Variants in BDNF observed in about 807,000 individuals in gnomAD.
BDNF encodes the protein neurotrophic factor BDNF precursor form.
A neutral mutation model predicts 19.5 loss-of-function variants in BDNF; 1 was observed. The observed-to-expected ratio is 0.05, with a 90% CI of 0.02 to 0.24. The LOEUF (loss-of-function observed/expected upper bound fraction) is 0.24, where lower values mean the gene tolerates loss of function less well. Among genes scored for constraint, BDNF ranks in the 10% least tolerant of loss-of-function variants. The pLI, the probability that BDNF is intolerant of heterozygous loss-of-function variation, is 1.00. For synonymous variants in BDNF, 100 were observed against 121.6 expected (o/e 0.82, Z 1.17); for missense variants, 195 against 317.6 (o/e 0.61, Z 2.93).
At chr11:27,717,202 C>A (rs1860547885) in intron 1 of BDNF, among the ~76,000 whole-genome samples, 1 of 152,152 alleles carries the variant, frequency 6.6e-6, no homozygotes, top group African/African-American at 2.4e-5. Flanking sequence ...AGCCTTCTTT[C>A]CAATGTACAT....
At chr11:27,697,302 G>A (rs555431919) in intron 1 of BDNF, among the ~76,000 whole-genome samples, 4 of 152,306 alleles carry the variant, frequency 2.6e-5, no homozygotes, top group Admixed American at 6.5e-5. Context: ...CTACAAACCA[G>A]TGCTATTCAT....
At chr11:27,669,306 A>T (rs1346550748) in intron 1 of BDNF, among the ~76,000 whole-genome samples, 2 of 152,236 alleles carry the variant, frequency 1.3e-5, no homozygotes, top group Non-Finnish European at 2.9e-5. Flanking sequence ...TGTCATACTG[A>T]ATGGGCAAAA....
At chr11:27,691,614 A>G (rs1858306313) in intron 1 of BDNF, among the ~76,000 whole-genome samples, 1 of 152,200 alleles carries the variant, frequency 6.6e-6, no homozygotes, top group African/African-American at 2.4e-5. Flanking sequence ...AGTATGAGAG[A>G]TCACAAAGAA....
chr11:27,708,491 T>C (rs989203259), intron 1 of BDNF, among the ~76,000 whole-genome samples: 1 of 152,232 alleles, frequency 6.6e-6, no homozygotes, highest in African/African-American at 2.4e-5. Flanking sequence ...GATTAATTTT[T>C]TTCTAATTTT....
chr11:27,661,549 G>A (rs1265000458), intron 1 of BDNF, among the ~76,000 whole-genome samples: 1 of 152,038 alleles, frequency 6.6e-6, no homozygotes, highest in African/African-American at 2.4e-5. Context: ...TCCCGATGCT[G>A]TATCAGACAC....
At chr11:27,718,851 A>AT (rs1341421859) in intron 1 of BDNF, among the ~76,000 whole-genome samples, 1 of 151,766 alleles carries the variant, frequency 6.6e-6, no homozygotes, top group Non-Finnish European at 1.5e-5. Context: ...TCGGAAACAG[A>AT]TTTTTCCTAC....
chr11:27,670,593 G>A (rs1348583595), intron 1 of BDNF, among the ~76,000 whole-genome samples: 1 of 152,176 alleles, frequency 6.6e-6, no homozygotes, highest in East Asian at 1.9e-4. Flanking sequence ...CAAAAAGTGG[G>A]TGAAGGATAT....
intron 1 of BDNF, among the ~76,000 whole-genome samples, chr11:27,695,010 A>G (rs1247115588): frequency 6.6e-6 from 1 of 152,218 alleles, no homozygotes; most frequent in South Asian, 2.1e-4. Context: ...GATTTAGTGC[A>G]TATATCAAAT....
chr11:27,658,648 A>G lies in BDNF; in HGVS notation c.-21-63T>C, dbSNP rs3750934. Reference sequence around the variant, plus strand: ...TAGGGCTTTCTTTCACCGGGATGCCATGTGGCCCATCTGATTGTAATTCCA... The same window carrying G: ...TAGGGCTTTCTTTCACCGGGATGCCGTGTGGCCCATCTGATTGTAATTCCA... On this transcript the variant is annotated intron_variant, in intron 1 of 1. Coordinates refer to ENST00000356660, the MANE Select transcript of BDNF (RefSeq NM_001709.5). This position sits in a 1 kb window ranked among gnomAD's most constrained non-coding sequence, Gnocchi z 5.7. 2.3e-3 allele frequency: 3,783 copies of G among 1,613,506 alleles called. 56 individuals carry two copies. Among genetic ancestry groups the G allele is most frequent in the East Asian group, 0.02 (892 of 44,880 alleles).
intron 1 of BDNF, chr11:27,720,751 A>C (rs1315152067): frequency 4.1e-6 from 4 of 986,002 alleles, no homozygotes; most frequent in Non-Finnish European, 4.8e-6. Flanking sequence ...AAAGGCTTAA[A>C]AATCTCTAAT....
At chr11:27,711,882 A>G (rs1167169834) in intron 1 of BDNF, among the ~76,000 whole-genome samples, 1 of 152,226 alleles carries the variant, frequency 6.6e-6, no homozygotes, top group Non-Finnish European at 1.5e-5. Context: ...CAGAACAGGT[A>G]TCTTAAGCAA....
intron 1 of BDNF, among the ~76,000 whole-genome samples, chr11:27,712,434 T>C (rs1467295679): frequency 6.6e-6 from 1 of 152,200 alleles, no homozygotes; most frequent in Non-Finnish European, 1.5e-5. Flanking sequence ...TATCACACAA[T>C]ATATTATTTT....
intron 1 of BDNF, among the ~76,000 whole-genome samples, chr11:27,667,713 G>C (rs527326287): frequency 1.1e-4 from 16 of 152,278 alleles, no homozygotes; most frequent in Admixed American, 1.0e-3. Context: ...AACAAGAAGA[G>C]CTAACTATCC....
chr11:27,673,751 A>G (rs1855715577), intron 1 of BDNF, among the ~76,000 whole-genome samples: 1 of 152,250 alleles, frequency 6.6e-6, no homozygotes, highest in African/African-American at 2.4e-5. Context: ...GTATCTGTAC[A>G]TAATTAAACC....
chr11:27,699,799 C>T (rs1183272216), intron 1 of BDNF: 1 of 941,862 alleles, frequency 1.1e-6, no homozygotes, highest in Non-Finnish European at 1.4e-6. Context: ...TCAGTCAGGA[C>T]CCTCGACAGC....
chr11:27,687,477 G>A (rs940707949), intron 1 of BDNF, among the ~76,000 whole-genome samples: 4 of 152,202 alleles, frequency 2.6e-5, no homozygotes, highest in African/African-American at 9.7e-5. Flanking sequence ...CTCCCTTGGA[G>A]GAGAAGAGGC....
At chr11:27,683,965 G>A (rs1474700841) in intron 1 of BDNF, among the ~76,000 whole-genome samples, 2 of 152,098 alleles carry the variant, frequency 1.3e-5, no homozygotes, top group Non-Finnish European at 2.9e-5. Context: ...GCTTGATGGG[G>A]ATAGCATTGG....
At chr11:27,700,060 A>C (rs1406072053) in intron 1 of BDNF, 104 bp downstream of exon 1, 1 of 952,538 alleles carries the variant, frequency 1.0e-6, no homozygotes, top group Non-Finnish European at 1.3e-6. Context: ...GGAAAGAAGG[A>C]GACTGGCCTC....
At chr11:27,704,665 A>C (rs575233103), upstream of BDNF, among the ~76,000 whole-genome samples, 42 of 152,358 alleles carry the variant, frequency 2.8e-4, no homozygotes, top group African/African-American at 1.0e-3. Flanking sequence ...GCTGTTGAGC[A>C]GAGTGGCACA....
Sources: allele counts gnomAD v4.1 joint callset (sites outside exome capture counted in the v4.1 genomes callset), GRCh38; gene constraint gnomAD v4.1.1; non-coding constraint Gnocchi (gnomAD v3.1); transcripts MANE v1.5; gene names NCBI Gene and HGNC (gene_info 2026-07-23, HGNC 2026-07-21).